Variants in ENOX1 observed in about 807,000 individuals in gnomAD.
The protein encoded by ENOX1 is candidate growth-related and time keeping constitutive hydroquinone (NADH) oxidase.
Under a neutral mutation model 82.5 loss-of-function variants are expected in ENOX1, and 42 were observed. The observed-to-expected ratio is 0.51, with a 90% CI of 0.40 to 0.66. ENOX1 has a LOEUF of 0.66. Among genes scored for constraint, ENOX1 ranks in the 30% least tolerant of loss-of-function variants. The pLI is 0.00. For synonymous variants in ENOX1, 271 were observed against 282.2 expected, an observed-to-expected ratio of 0.96 and a Z score of 0.40; for missense variants, 608 against 811.6, an observed-to-expected ratio of 0.75 and a Z score of 3.05.
chr13:43,616,112 C>CTATATATAGATATCTATA lies in ENOX1; in HGVS notation c.-219+51366_-219+51367insTATAGATATCTATATATA, dbSNP rs1423143794. Among the ~76,000 whole-genome samples the CTATATATAGATATCTATA allele has an allele frequency of 8.0e-5, 4 of 50,110 alleles. 1 individual carries two copies. The highest frequency in any genetic ancestry group is 2.5e-4 in the African/African-American group (4 of 15,848). 32.9% of individuals were successfully genotyped at this position (50,110 alleles called of 152,430 possible). ...TATATATATCTATATAGATAGATAT[C>CTATATATAGATATCTATA]TATAGATCTATAGATATCTATCTAT... On this transcript the variant is annotated intron_variant, in intron 2 of 16. Coordinates refer to ENST00000690772, the MANE Select transcript of ENOX1 (RefSeq NM_001347969.2).
chr13:43,529,524 G>A (rs1031403633), intron 2 of ENOX1, among the ~76,000 whole-genome samples: 78 of 152,108 alleles, frequency 5.1e-4, no homozygotes, highest in African/African-American at 1.7e-3. Context: ...TATAAAGAAG[G>A]AAAAAGAAAT....
chr13:43,508,794 A>C (rs2077266507), intron 2 of ENOX1, among the ~76,000 whole-genome samples: 1 of 152,230 alleles, frequency 6.6e-6, no homozygotes, highest in East Asian at 1.9e-4. Context: ...GGAACTAACA[A>C]AAATATAAAC....
At chr13:43,616,588 A>G (rs895360694) in intron 2 of ENOX1, among the ~76,000 whole-genome samples, 1 of 152,120 alleles carries the variant, frequency 6.6e-6, no homozygotes, top group Non-Finnish European at 1.5e-5. Context: ...TGAAAATAAC[A>G]ATTTAATTGA....
At chr13:43,309,472 T>A in intron 11 of ENOX1, among the ~76,000 whole-genome samples, 1 of 152,174 alleles carries the variant, frequency 6.6e-6, no homozygotes, top group East Asian at 1.9e-4. Flanking sequence ...CATAGTGAGC[T>A]TGGCAGTGCT....
intron 2 of ENOX1, among the ~76,000 whole-genome samples, chr13:43,511,349 T>A (rs1350581727): frequency 6.6e-6 from 1 of 152,196 alleles, no homozygotes; most frequent in Admixed American, 6.6e-5. Context: ...GTAATATTTT[T>A]AGACAATAAT....
chr13:43,465,613 T>C (rs752416222), intron 3 of ENOX1, among the ~76,000 whole-genome samples: 11 of 152,188 alleles, frequency 7.2e-5, no homozygotes, highest in Non-Finnish European at 1.3e-4. Flanking sequence ...GAGGTATCAC[T>C]GCTCCCAGGC....
chr13:43,413,249 C>A (rs2054244175), intron 3 of ENOX1, among the ~76,000 whole-genome samples: 2 of 152,182 alleles, frequency 1.3e-5, no homozygotes, highest in South Asian at 4.1e-4. Context: ...TTGTGAGTAC[C>A]TCAAAGGCCT....
At chr13:43,603,290 A>T (rs2081811924) in intron 2 of ENOX1, among the ~76,000 whole-genome samples, 1 of 151,894 alleles carries the variant, frequency 6.6e-6, no homozygotes, top group Non-Finnish European at 1.5e-5. Flanking sequence ...TATTTTGCAA[A>T]ATCCCTTCTC....
At chr13:43,548,489 T>A (rs2079059541) in intron 2 of ENOX1, among the ~76,000 whole-genome samples, 1 of 152,242 alleles carries the variant, frequency 6.6e-6, no homozygotes, top group African/African-American at 2.4e-5. Flanking sequence ...GCTTCATTTT[T>A]AAGTAGGTTA....
chr13:43,233,615 G>T (rs543659988), intron 15 of ENOX1, among the ~76,000 whole-genome samples: 1 of 151,368 alleles, frequency 6.6e-6, no homozygotes, highest in African/African-American at 2.5e-5. Context: ...TTCTGTAGAT[G>T]GAATCCATTT....
intron 3 of ENOX1, among the ~76,000 whole-genome samples, chr13:43,475,239 A>G (rs906120865): frequency 2.0e-5 from 3 of 152,154 alleles, no homozygotes; most frequent in Non-Finnish European, 4.4e-5. Context: ...ATTCTACTTA[A>G]AAACATATGT....
chr13:43,281,525 A>G (rs909988026), intron 12 of ENOX1, among the ~76,000 whole-genome samples: 1 of 151,218 alleles, frequency 6.6e-6, no homozygotes, highest in Non-Finnish European at 1.5e-5. Context: ...CCAGCTTCAC[A>G]CTTATTATTA....
intron 3 of ENOX1, among the ~76,000 whole-genome samples, chr13:43,441,881 G>C (rs1256709935): frequency 6.6e-6 from 1 of 151,938 alleles, no homozygotes; most frequent in African/African-American, 2.4e-5. Context: ...TAAAGGTAGA[G>C]GTAGAAGGAG....
intron 8 of ENOX1, among the ~76,000 whole-genome samples, chr13:43,348,666 C>A (rs2153549207): frequency 6.6e-6 from 1 of 152,360 alleles, no homozygotes; most frequent in East Asian, 1.9e-4. Flanking sequence ...GTTGTCTACA[C>A]TACCTCCCTG....
At chr13:43,310,056 A>G (rs1422451411) in intron 11 of ENOX1, among the ~76,000 whole-genome samples, 1 of 151,970 alleles carries the variant, frequency 6.6e-6, no homozygotes, top group African/African-American at 2.4e-5. Context: ...ACAAAAAATT[A>G]GCCAGGCGTG....
At chr13:43,387,753 TGC>T in intron 5 of ENOX1, among the ~76,000 whole-genome samples, 1 of 151,926 alleles carries the variant, frequency 6.6e-6, no homozygotes. Context: ...AATATGTAAA[TGC>T]ACACATATAT....
At chr13:43,501,333 C>T (rs759563479) in intron 2 of ENOX1, among the ~76,000 whole-genome samples, 27 of 151,740 alleles carry the variant, frequency 1.8e-4, no homozygotes, top group Non-Finnish European at 3.5e-4. Context: ...TTCAATAACT[C>T]ATCTTCAATA....
intron 2 of ENOX1, among the ~76,000 whole-genome samples, chr13:43,622,968 T>C (rs946882236): frequency 3.9e-5 from 6 of 152,040 alleles, no homozygotes; most frequent in Admixed American, 2.6e-4. Context: ...GACTCCCAGG[T>C]CACTGGAGTT....
intron 9 of ENOX1, among the ~76,000 whole-genome samples, chr13:43,341,601 C>T (rs921967947): frequency 6.6e-6 from 1 of 152,256 alleles, no homozygotes; most frequent in African/African-American, 2.4e-5. Context: ...AGTGAATATT[C>T]TCTAAATGCA....
Sources: gnomAD v4.1 joint callset for allele counts (sites outside exome capture counted in the v4.1 genomes callset) on GRCh38, gnomAD v4.1.1 for gene constraint, MANE v1.5 for transcripts, NCBI Gene and HGNC (gene_info 2026-07-23, HGNC 2026-07-21) for gene names.